The following LARP1 variants were observed in gnomAD, a reference collection of about 807,000 sequenced individuals.
LARP1 encodes La ribonucleoprotein 1, translational regulator.
In LARP1, 36 loss-of-function variants were observed where a neutral mutation model predicts 122.7. The ratio of observed to expected loss-of-function variants is 0.29; its 90% CI spans 0.22 to 0.39. The LOEUF (loss-of-function observed/expected upper bound fraction) is 0.39, where lower values mean the gene tolerates loss of function less well. LARP1 is among the 10% of genes least tolerant of loss of function. The pLI is 1.00. For missense variants in LARP1, 1,040 were observed against 1,403.6 expected (o/e 0.74, Z 4.14); for synonymous variants, 539 against 528.7 (o/e 1.02, Z -0.27).
intron 1 of LARP1, among the ~76,000 whole-genome samples, chr5:154,766,841 A>C (rs1159524993): frequency 6.6e-6 from 1 of 152,204 alleles, no homozygotes; most frequent in Non-Finnish European, 1.5e-5. Flanking sequence ...AGTTGTCAGC[A>C]CTGTCTCCAT....
chr5:154,777,442 A>C (rs1019967936), intron 1 of LARP1, among the ~76,000 whole-genome samples: 18 of 152,104 alleles, frequency 1.2e-4, no homozygotes, highest in African/African-American at 4.1e-4. Flanking sequence ...AATCAACTGA[A>C]TCCAGGAGAC....
chr5:154,714,738 G>A (rs1000906216), intron 1 of LARP1, among the ~76,000 whole-genome samples: 11 of 152,162 alleles, frequency 7.2e-5, no homozygotes, highest in African/African-American at 2.4e-4. Flanking sequence ...ACCCTCTCTC[G>A]GGGTAGAGCC....
chr5:154,716,237 A>T (rs778583882), intron 1 of LARP1, among the ~76,000 whole-genome samples: 78 of 152,100 alleles, frequency 5.1e-4, no homozygotes, highest in Non-Finnish European at 9.7e-4. Context: ...CTTGTGCCTT[A>T]ACATCTGTAG....
chr5:154,781,780 A>G (rs977449554), intron 1 of LARP1, among the ~76,000 whole-genome samples: 2 of 152,194 alleles, frequency 1.3e-5, no homozygotes, highest in Admixed American at 1.3e-4. Context: ...TTCATCAGCT[A>G]TCATTAGTGT....
At chr5:154,752,174 A>G (rs1380270252), upstream of LARP1, among the ~76,000 whole-genome samples, 1 of 152,144 alleles carries the variant, frequency 6.6e-6, no homozygotes, top group African/African-American at 2.4e-5. Context: ...CAGGTATGAG[A>G]CCTAGCTCTG....
intron 1 of LARP1, among the ~76,000 whole-genome samples, chr5:154,764,675 C>T (rs978401783): frequency 4.1e-5 from 6 of 147,706 alleles, no homozygotes; most frequent in South Asian, 4.3e-4. Flanking sequence ...GAGGCCGAGG[C>T]GGGAGGGTCA....
At chr5:154,728,021 T>A (rs1038273314) in intron 1 of LARP1, among the ~76,000 whole-genome samples, 1 of 152,122 alleles carries the variant, frequency 6.6e-6, no homozygotes, top group African/African-American at 2.4e-5. Flanking sequence ...TGAGCTGAGA[T>A]CACGCCACTG....
chr5:154,771,589 G>A (rs1755431615), intron 1 of LARP1, among the ~76,000 whole-genome samples: 1 of 152,190 alleles, frequency 6.6e-6, no homozygotes, highest in African/African-American at 2.4e-5. Flanking sequence ...AACTGTTGGC[G>A]GGGAGAGAGG....
intron 1 of LARP1, 103 bp downstream of exon 1, chr5:154,756,296 T>C (rs1753890885): frequency 1.0e-5 from 10 of 963,544 alleles, no homozygotes; most frequent in Non-Finnish European, 1.3e-5. Flanking sequence ...CTACCGGTCA[T>C]GGTGACTCGG....
At chr5:154,778,938 T>C (rs1756154237) in intron 1 of LARP1, among the ~76,000 whole-genome samples, 1 of 152,230 alleles carries the variant, frequency 6.6e-6, no homozygotes, top group African/African-American at 2.4e-5. Context: ...ATATTTAGTC[T>C]ATAAAATTAC....
At chr5:154,755,168 G>A (rs1753732419), upstream of LARP1, among the ~76,000 whole-genome samples, 1 of 150,670 alleles carries the variant, frequency 6.6e-6, no homozygotes, top group Non-Finnish European at 1.5e-5. Flanking sequence ...AGGAATCGGA[G>A]ACGAGGGGCG....
intron 1 of LARP1, among the ~76,000 whole-genome samples, chr5:154,686,703 T>G (rs2113180881): frequency 6.6e-6 from 1 of 152,310 alleles, no homozygotes; most frequent in South Asian, 2.1e-4. Flanking sequence ...TTACTGTCCC[T>G]TTCTGGCTTT....
At chr5:154,746,132 C>CT (rs1753186557) in intron 1 of LARP1, among the ~76,000 whole-genome samples, 1 of 152,192 alleles carries the variant, frequency 6.6e-6, no homozygotes, top group Non-Finnish European at 1.5e-5. Context: ...ACCCTTTCCC[C>CT]TTTTTTCTGT....
intron 1 of LARP1, among the ~76,000 whole-genome samples, chr5:154,779,503 CT>C (rs1756225533): frequency 7.0e-6 from 1 of 141,894 alleles, no homozygotes; most frequent in Non-Finnish European, 1.5e-5. Context: ...TCTACATTCT[CT>C]CTTTTTTTTT....
chr5:154,726,118 G>A (rs1477164287), intron 1 of LARP1, among the ~76,000 whole-genome samples: 1 of 152,158 alleles, frequency 6.6e-6, no homozygotes, highest in Non-Finnish European at 1.5e-5. Flanking sequence ...GGGATTACAG[G>A]TGTGAGCCAC....
Position 154,814,171 on chromosome 5 carries a change from A to G in LARP1, c.*75A>G, listed in dbSNP as rs929500683. The G allele has an allele frequency of 3.5e-6, 5 of 1,448,488 alleles. No individual in the cohort carries two copies. Among genetic ancestry groups the G allele is most frequent in the Admixed American group, 1.9e-5 (1 of 52,726 alleles). The allele number at this position is 1,448,488 out of a possible 1,614,324, so 89.7% of individuals were successfully genotyped here. Reference sequence around the variant, plus strand: ...AGAGTCCATGGGGGTGCCCAGTCCCAGGAAAGGGGACAATGAAGGGACAGG... The same window carrying G: ...AGAGTCCATGGGGGTGCCCAGTCCCGGGAAAGGGGACAATGAAGGGACAGG... On this transcript the variant is annotated 3_prime_UTR_variant, in exon 19 of 19. Transcript: ENST00000518297.
chr5:154,811,744 C>T, intron 18 of LARP1, 104 bp downstream of exon 18: 7 of 1,374,428 alleles, frequency 5.1e-6, no homozygotes, highest in Non-Finnish European at 7.1e-6. Context: ...GCCCAGGAAC[C>T]CCTCTCCCTG....
At chr5:154,740,662 T>C (rs1226565797) in intron 1 of LARP1, among the ~76,000 whole-genome samples, 1 of 152,164 alleles carries the variant, frequency 6.6e-6, no homozygotes, top group Non-Finnish European at 1.5e-5. Flanking sequence ...TTCACCCCTA[T>C]GCTACACTGC....
chr5:154,794,154 G>A lies in LARP1; in HGVS notation c.1124G>A (p.Arg375His), dbSNP rs747178376. The change falls in exon 7 of 19, where the codon CGT becomes CAT. Residue 375 changes from arginine to histidine, a missense_variant. Arg to His is a conservative substitution (Grantham distance 29). This residue lies in a region of LARP1 where 178 missense variants were observed against 178.3 expected (regional missense o/e 1.00). Coordinates refer to ENST00000518297, the MANE Select transcript of LARP1 (RefSeq NM_033551.3). ...AAGTTTGATGGTGTGGAGGGGCCTCGTACGCCCAAGTACATGAACAACATC... is the reference window on the plus strand; with the variant it reads ...AAGTTTGATGGTGTGGAGGGGCCTCATACGCCCAAGTACATGAACAACATC... ...YRKFDGVEGP[R>H]TPKYMNNITY... 11 of 1,614,150 alleles carry A rather than the reference G, an allele frequency of 6.8e-6. No individual in the cohort carries two copies. In the South Asian group the frequency reaches 9.9e-5, roughly 15 times the overall value.
Sources: gnomAD v4.1 joint callset for allele counts (sites outside exome capture counted in the v4.1 genomes callset) on GRCh38, gnomAD v4.1.1 for gene constraint, gnomAD v4.1.1 regional missense constraint, MANE v1.5 for transcripts, NCBI Gene and HGNC (gene_info 2026-07-23, HGNC 2026-07-21) for gene names.